The following KIR3DL3 variants were observed in gnomAD, a reference collection of about 807,000 sequenced individuals.
The protein encoded by KIR3DL3 is killer cell immunoglobulin like receptor, three Ig domains and long cytoplasmic tail 3.
In KIR3DL3, 27 loss-of-function variants were observed where a neutral mutation model predicts 34.9. The observed-to-expected ratio is 0.77, with a 90% CI of 0.57 to 1.07. The LOEUF (loss-of-function observed/expected upper bound fraction) is 1.07. Ranked by LOEUF, KIR3DL3 falls within the 50% of genes least tolerant of loss-of-function variation. The probability of loss-of-function intolerance (pLI) is 0.00; values close to 1 mark genes in which losing one functional copy is unlikely to be tolerated. For synonymous variants in KIR3DL3, 217 were observed against 200.2 expected (o/e 1.08, Z -0.71); for missense variants, 681 against 528.5 (o/e 1.29, Z -2.83).
chr19:54,727,749 T>G lies in KIR3DL3; in HGVS notation c.494T>G (p.Leu165Trp). Residue 165 changes from leucine (L) to tryptophan (W), a missense_variant, in exon 4 of 8, where the codon TTG (leucine) becomes TGG (tryptophan). Coordinates refer to ENST00000291860, the MANE Select transcript of KIR3DL3 (RefSeq NM_153443.5). The part of the protein sequence containing the change: ...LHREGITEDP[L>W]RLVGQLHDAG... The stretch of plus-strand genomic sequence containing the variant: ...AGAGAGGGGATCACTGAGGACCCCT[T>G]GCGCCTCGTTGGACAGCTCCACGAT... The G allele has an allele frequency of 2.5e-6, 4 of 1,612,820 alleles. No individual in the cohort carries two copies. The highest frequency in any genetic ancestry group is 3.4e-6 in the Non-Finnish European group (4 of 1,179,628).
At chr19:54,728,648 T>C (rs113493004) in intron 4 of KIR3DL3, among the ~76,000 whole-genome samples, 19,742 of 151,092 alleles carry the variant, frequency 0.13, 1,354 homozygotes, top group African/African-American at 0.16. Flanking sequence ...CATAAAGAGA[T>C]AGAAAAAGAG....
Position 54,732,245 on chromosome 19 carries a change from TG to T in KIR3DL3, c.949+2460del, listed in dbSNP as rs2068888288. On this transcript the variant is annotated intron_variant, in intron 5 of 7. Coordinates refer to ENST00000291860, the MANE Select transcript of KIR3DL3 (RefSeq NM_153443.5). ...ATCTGGGGTTTTTTGTGTGTGTGTG[TG>T]TTTTTTGTTTTCTTTTTTTTTTTGA... Among the ~76,000 whole-genome samples, 8 of 111,110 alleles carry T rather than the reference TG, an allele frequency of 7.2e-5. No homozygotes were observed. The East Asian group carries it at 1.9e-3, about 26-fold the overall frequency. 72.9% of individuals were successfully genotyped at this position (111,110 alleles called of 152,430 possible). A position where few individuals can be genotyped will look rare whatever the true frequency, so the allele number is the denominator to read the frequency against.
In KIR3DL3 at chr19:54,735,287, C is replaced by A; in HGVS notation, c.984C>A (p.Thr328=). 1 of 1,530,474 alleles carries A rather than the reference C, an allele frequency of 6.5e-7. No individual in the cohort carries two copies. The highest frequency in any genetic ancestry group is 1.4e-5 in the African/African-American group (1 of 70,188). 94.8% of individuals were successfully genotyped at this position (1,530,474 alleles called of 1,614,324 possible). Residue 328 remains threonine, a synonymous_variant, in exon 6 of 8, where the codon ACC becomes ACA. Coordinates refer to ENST00000291860, the MANE Select transcript of KIR3DL3 (RefSeq NM_153443.5). ...GAAACCTGCACGTTCTGATTGGGACCTCAGTGGTCATCATCCCCTTTGCTA... is the reference window on the plus strand; with the variant it reads ...GAAACCTGCACGTTCTGATTGGGACATCAGTGGTCATCATCCCCTTTGCTA... ...NSRNLHVLIG[T]SVVIIPFAIL...
rs113773573 is a variant in KIR3DL3, at chr19:54,727,820, C to T, written c.565C>T (p.Leu189Phe). The T allele has an allele frequency of 2.8e-5, 45 of 1,614,032 alleles. No homozygotes were observed. In the African/African-American group the frequency reaches 4.7e-4, roughly 17 times the overall value. Reference sequence around the variant, plus strand: ...TTCCATGGGTCCCATGACACCTGCCCTTGCAGGGACCTACAGATGCTTTGG... The same window carrying T: ...TTCCATGGGTCCCATGACACCTGCCTTTGCAGGGACCTACAGATGCTTTGG... ...NYSMGPMTPA[L>F]AGTYRCFGSV... Residue 189 changes from leucine to phenylalanine, a missense_variant, in exon 4 of 8, where the codon CTT (leucine) becomes TTT (phenylalanine). Transcript: ENST00000291860.
chr19:54,732,143 G>C (rs1402402714), intron 5 of KIR3DL3, among the ~76,000 whole-genome samples: 1 of 152,112 alleles, frequency 6.6e-6, no homozygotes, highest in Non-Finnish European at 1.5e-5. Flanking sequence ...TTGCAGATGG[G>C]TAAATGCGAG....
chr19:54,733,256 T>C (rs1467734390), intron 5 of KIR3DL3, among the ~76,000 whole-genome samples: 1 of 152,090 alleles, frequency 6.6e-6, no homozygotes, highest in Non-Finnish European at 1.5e-5. Context: ...TACAAGACTG[T>C]GGATGGGGGC....
chr19:54,730,411 T>A (rs34483320), intron 5 of KIR3DL3, among the ~76,000 whole-genome samples: 110,457 of 146,572 alleles, frequency 0.75, 41,856 homozygotes, highest in East Asian at 0.99. Flanking sequence ...AAATAATAAT[T>A]ATAATGATAA....
intron 5 of KIR3DL3, among the ~76,000 whole-genome samples, chr19:54,730,903 T>C (rs2068718567): frequency 6.6e-6 from 1 of 152,262 alleles, no homozygotes; most frequent in Non-Finnish European, 1.5e-5. Context: ...GGAGTGCAGA[T>C]GTCACTTCGA....
At chr19:54,735,571 G>A (rs1484420571) in intron 6 of KIR3DL3, among the ~76,000 whole-genome samples, 1 of 131,954 alleles carries the variant, frequency 7.6e-6, no homozygotes, top group Admixed American at 7.7e-5. Flanking sequence ...CACATCCCCT[G>A]CAGCCACTCA....
At position 54,736,017 on chromosome 19, in the gene KIR3DL3, A is replaced by G. The variant is rs2069547002; in HGVS notation, c.1154A>G (p.Asn385Ser). 2 of 1,613,648 alleles carry G rather than the reference A, an allele frequency of 1.2e-6. No individual in the cohort carries two copies. The highest frequency in any genetic ancestry group is 1.7e-5 in the Admixed American group (1 of 59,910). The change falls in exon 8 of 8, where the codon AAT becomes AGT. Residue 385 changes from asparagine (N) to serine (S), a missense_variant. Asn to Ser is a conservative substitution (Grantham distance 46). Coordinates refer to ENST00000291860, the MANE Select transcript of KIR3DL3 (RefSeq NM_153443.5). ...CAGGAGGTGACATACGCACAGTTGA[A>G]TCACTGCGTTTTCACACAGAGAAAA... is the stretch of plus-strand genomic sequence containing the variant. ...DPQEVTYAQL[N>S]HCVFTQRKIT...
intron 4 of KIR3DL3, among the ~76,000 whole-genome samples, chr19:54,728,329 G>T (rs1600182364): frequency 6.8e-6 from 1 of 148,130 alleles, no homozygotes; most frequent in Admixed American, 6.9e-5. Flanking sequence ...TGTGGCCCCA[G>T]GCTGGTGGCA....
chr19:54,726,807 ACTGATT>A (rs1047647592), intron 3 of KIR3DL3, among the ~76,000 whole-genome samples: 4 of 128,390 alleles, frequency 3.1e-5, no homozygotes, highest in African/African-American at 1.1e-4. Flanking sequence ...AGTCAAGGGA[ACTGATT>A]CTTCCCTGAG....
At chr19:54,728,219 C>G (rs1191789680) in intron 4 of KIR3DL3, among the ~76,000 whole-genome samples, 2 of 149,766 alleles carry the variant, frequency 1.3e-5, no homozygotes, top group African/African-American at 4.9e-5. Flanking sequence ...TGTTCAGAGA[C>G]CAGGCACAGG....
At chr19:54,735,441 G>A (rs1380522942) in intron 6 of KIR3DL3, 84 bp downstream of exon 6, 1 of 690,894 alleles carries the variant, frequency 1.4e-6, no homozygotes, top group Non-Finnish European at 2.6e-6. Context: ...GTTCCTCACA[G>A]ACTGGATGGT....
intron 5 of KIR3DL3, among the ~76,000 whole-genome samples, chr19:54,731,459 G>A (rs1171854735): frequency 2.6e-5 from 4 of 151,464 alleles, no homozygotes; most frequent in Admixed American, 6.6e-5. Context: ...TTATGCACAC[G>A]ACACTTCCAC....
intron 1 of KIR3DL3, among the ~76,000 whole-genome samples, chr19:54,724,988 T>A (rs1336258326): frequency 7.7e-6 from 1 of 130,594 alleles, no homozygotes; most frequent in Non-Finnish European, 1.6e-5. Context: ...GACACGGGCC[T>A]GGAGGTGGAG....
chr19:54,735,936 G>C (rs1451236586), intron 7 of KIR3DL3, 35 bp from the exon 8 acceptor site: 1 of 1,608,472 alleles, frequency 6.2e-7, no homozygotes, highest in Admixed American at 1.7e-5. Context: ...GAAAATGTGA[G>C]CACCCTCCCT....
At chr19:54,726,848 A>G (rs1375524367) in intron 3 of KIR3DL3, among the ~76,000 whole-genome samples, 1 of 128,348 alleles carries the variant, frequency 7.8e-6, no homozygotes, top group South Asian at 2.8e-4. Flanking sequence ...ACAGCCCTGC[A>G]GATGCCTTGA....
At chr19:54,733,464 A>G (rs2069061622) in intron 5 of KIR3DL3, among the ~76,000 whole-genome samples, 1 of 152,204 alleles carries the variant, frequency 6.6e-6, no homozygotes, top group South Asian at 2.1e-4. Flanking sequence ...CCCTGGAGGC[A>G]GAGGTTGAAC....
Sources: gnomAD v4.1 joint callset for allele counts (sites outside exome capture counted in the v4.1 genomes callset) on GRCh38, gnomAD v4.1.1 for gene constraint, MANE v1.5 for transcripts, NCBI Gene and HGNC (gene_info 2026-07-23, HGNC 2026-07-21) for gene names.